The following FAM3B variants were observed in gnomAD, a reference collection of about 807,000 sequenced individuals.
FAM3B encodes protein FAM3B.
In FAM3B, 29 loss-of-function variants were observed where a neutral mutation model predicts 28.4. The ratio of observed to expected loss-of-function variants is 1.02; its 90% CI spans 0.76 to 1.39. The LOEUF (loss-of-function observed/expected upper bound fraction) is 1.39, where lower values mean the gene tolerates loss of function less well. Ranked by LOEUF, FAM3B falls within the 40% of genes most tolerant of loss-of-function variation. The pLI is 0.00. For missense variants in FAM3B, 266 were observed against 293.9 expected, an observed-to-expected ratio of 0.91 and a Z score of 0.69; for synonymous variants, 91 against 103.0, an observed-to-expected ratio of 0.88 and a Z score of 0.71.
rs145495071 is a variant in FAM3B, at chr21:41,338,763, A to T, written c.287+262A>T. 1.7e-3 allele frequency among the ~76,000 whole-genome samples: 259 copies of T among 152,290 alleles called. 2 individuals carry two copies. Among genetic ancestry groups the T allele is most frequent in the Non-Finnish European group, 2.9e-3 (199 of 68,018 alleles). On this transcript the variant is annotated intron_variant, in intron 3 of 7. Coordinates refer to ENST00000357985, the MANE Select transcript of FAM3B (RefSeq NM_058186.4). ...TGACTGCAGTTGTACTTAGGATTTA[A>T]ATCTGAAGTGAGCACAGCCCTGTGG...
intron 7 of FAM3B, among the ~76,000 whole-genome samples, chr21:41,353,177 G>A (rs2089137025): frequency 6.6e-6 from 1 of 152,180 alleles, no homozygotes; most frequent in Admixed American, 6.5e-5. Flanking sequence ...CTTAAAAAAA[G>A]ATATTCCATG....
intron 7 of FAM3B, among the ~76,000 whole-genome samples, chr21:41,350,989 A>T (rs897623061): frequency 1.3e-5 from 2 of 152,158 alleles, no homozygotes; most frequent in Non-Finnish European, 2.9e-5. Flanking sequence ...GGACCCCCCC[A>T]TGCACACGAG....
rs144944684 is a variant in FAM3B at position 41,347,086 on chromosome 21, C to T, written c.471C>T (p.Asp157=). 1.3e-4 allele frequency: 210 copies of T among 1,614,078 alleles called. No individual in the cohort carries two copies. In the African/African-American group the frequency reaches 1.5e-3, roughly 12 times the overall value. Residue 157 remains aspartate (D), a synonymous_variant, in exon 6 of 8, where the codon GAC becomes GAT. Transcript: ENST00000357985. ...CCCTGCTCTTCATGGTGACCTATGA[C>T]GACGGAAGCACAAGGTGAGTGGGTG... The part of the protein sequence containing the change: ...PKSLLFMVTY[D]DGSTRLNNDA...
intron 1 of FAM3B, among the ~76,000 whole-genome samples, chr21:41,309,492 C>T (rs1041052957): frequency 1.3e-5 from 2 of 152,204 alleles, no homozygotes; most frequent in African/African-American, 2.4e-5. Context: ...ATAAGGGACA[C>T]GTGGAACTGT....
intron 3 of FAM3B, among the ~76,000 whole-genome samples, chr21:41,339,587 A>G (rs1428375363): frequency 6.6e-6 from 1 of 152,158 alleles, no homozygotes; most frequent in Non-Finnish European, 1.5e-5. Flanking sequence ...AAGTTCTTCG[A>G]TTTTACATTT....
chr21:41,310,972 T>TA (rs1422683295), intron 1 of FAM3B, among the ~76,000 whole-genome samples: 1 of 151,968 alleles, frequency 6.6e-6, no homozygotes, highest in Non-Finnish European at 1.5e-5. Flanking sequence ...CCAAATCTGT[T>TA]AGTTTGGTGA....
chr21:41,316,745 G>C (rs1048882239), upstream of FAM3B: 92 of 825,890 alleles, frequency 1.1e-4, no homozygotes, highest in Non-Finnish European at 1.5e-4. Flanking sequence ...TTGCCCGACT[G>C]GCCGCGCACC....
intron 2 of FAM3B, among the ~76,000 whole-genome samples, chr21:41,325,911 C>G (rs1208424444): frequency 3.3e-5 from 5 of 152,100 alleles, no homozygotes; most frequent in Non-Finnish European, 2.9e-5. Context: ...AGGAGCTGCT[C>G]GTGAGGATGA....
intron 3 of FAM3B, among the ~76,000 whole-genome samples, chr21:41,340,656 T>A (rs1190014014): frequency 6.6e-6 from 1 of 152,232 alleles, no homozygotes; most frequent in East Asian, 1.9e-4. Flanking sequence ...GTAGTTATTT[T>A]ACATTGAATT....
In FAM3B at chr21:41,323,042, A is replaced by G. The variant is rs1196793682; in HGVS notation, c.139A>G (p.Ile47Val). ...CAGTGCTGCCTATAGCATCCGCAGC[A>G]TCGGGGAGAGGCCTGTCCTCAAAGG... The part of the protein sequence containing the change: ...LSSAAYSIRS[I>V]GERPVLKAPV... The change falls in exon 2 of 8, where the codon ATC becomes GTC. Residue 47 changes from isoleucine (I) to valine (V), a missense_variant. Transcript: ENST00000357985. The G allele has an allele frequency of 1.2e-6, 2 of 1,606,768 alleles. No homozygotes were observed. Among genetic ancestry groups the G allele is most frequent in the Non-Finnish European group, 1.7e-6 (2 of 1,180,002 alleles).
At position 41,322,890 on chromosome 21, in the gene FAM3B, G is replaced by A. The variant is rs778876146; in HGVS notation, c.20-33G>A. The A allele has an allele frequency of 2.5e-5, 40 of 1,614,046 alleles. No individual in the cohort carries two copies. The African/African-American group carries it at 3.5e-4, about 14-fold the overall frequency. ...CAAGGGCCAGGGCCGCCACCAAGTC[G>A]TTCACAGCAGCTGCTTGGTGTCCTC... is the stretch of plus-strand genomic sequence containing the variant. On this transcript the variant is annotated intron_variant, in intron 1 of 7. Transcript: ENST00000357985.
At position 41,347,115 on chromosome 21, in the gene FAM3B, GT is replaced by G. The variant is rs753952994; in HGVS notation, c.485+16del. 6.2e-7 allele frequency: 1 copy of G among 1,612,560 alleles called. No homozygotes were observed. Among genetic ancestry groups the G allele is most frequent in the Non-Finnish European group, 8.5e-7 (1 of 1,179,030 alleles). On this transcript the variant is annotated intron_variant, in intron 6 of 7. Coordinates refer to ENST00000357985, the MANE Select transcript of FAM3B (RefSeq NM_058186.4). ...GGAAGCACAAGGTGAGTGGGTGTAG[GT>G]CTGTCACAGCGGTGGGCAAGAGAAG...
intron 7 of FAM3B, among the ~76,000 whole-genome samples, chr21:41,353,752 A>G (rs1401430553): frequency 6.6e-6 from 1 of 152,234 alleles, no homozygotes; most frequent in Non-Finnish European, 1.5e-5. Context: ...GGTTTAAGCA[A>G]TGGTTTCTTA....
At chr21:41,329,967 A>G (rs1345999651) in intron 2 of FAM3B, among the ~76,000 whole-genome samples, 3 of 145,106 alleles carry the variant, frequency 2.1e-5, no homozygotes, top group African/African-American at 7.3e-5. Context: ...CAGTAAATAC[A>G]GTAAGATATT....
chr21:41,345,844 C>T (rs781451464), intron 5 of FAM3B, 108 bp downstream of exon 5: 13 of 717,970 alleles, frequency 1.8e-5, no homozygotes, highest in Non-Finnish European at 2.7e-5. Flanking sequence ...ACTAGAAAAA[C>T]GCCAGCAGCT....
intron 3 of FAM3B, among the ~76,000 whole-genome samples, chr21:41,338,754 T>A (rs989905740): frequency 2.6e-5 from 4 of 152,174 alleles, no homozygotes; most frequent in Non-Finnish European, 5.9e-5. Context: ...CAGTTGTACT[T>A]AGGATTTAAA....
chr21:41,313,048 G>A (rs1174793062), upstream of FAM3B, among the ~76,000 whole-genome samples: 1 of 152,178 alleles, frequency 6.6e-6, no homozygotes, highest in Non-Finnish European at 1.5e-5. Flanking sequence ...CCTGAAGTAC[G>A]CTCAGCTAAT....
intron 2 of FAM3B, among the ~76,000 whole-genome samples, chr21:41,337,949 G>T (rs952237514): frequency 6.6e-6 from 1 of 152,014 alleles, no homozygotes; most frequent in African/African-American, 2.4e-5. Flanking sequence ...TGATGTGTGT[G>T]TGTTTAGGGT....
chr21:41,355,440 A>G (rs1190539738), intron 7 of FAM3B, among the ~76,000 whole-genome samples: 5 of 152,246 alleles, frequency 3.3e-5, no homozygotes, highest in African/African-American at 1.2e-4. Context: ...ATTAATGGGT[A>G]AGAAATGTAT....
Sources: allele counts gnomAD v4.1 joint callset (sites outside exome capture counted in the v4.1 genomes callset), GRCh38; gene constraint gnomAD v4.1.1; transcripts MANE v1.5; gene names NCBI Gene and HGNC (gene_info 2026-07-23, HGNC 2026-07-21).